FAM234B: variants seen among roughly 807,000 people sequenced by gnomAD.
FAM234B encodes protein FAM234B.
In FAM234B, 33 loss-of-function variants were observed where a neutral mutation model predicts 69.3. The observed-to-expected ratio is 0.48, with a 90% CI of 0.36 to 0.64. FAM234B has a LOEUF of 0.64. Ranked by LOEUF, FAM234B falls within the 30% of genes least tolerant of loss-of-function variation. The pLI is 0.00. For synonymous variants in FAM234B, 306 were observed against 306.9 expected, an observed-to-expected ratio of 1.00 and a Z score of 0.03; for missense variants, 697 against 769.7, an observed-to-expected ratio of 0.91 and a Z score of 1.12.
rs1283249455 is a variant in FAM234B at position 13,071,303 on chromosome 12, GA to G, written c.1434del (p.Glu479LysfsTer34). 6.2e-6 allele frequency: 10 copies of G among 1,614,166 alleles called. No homozygotes were observed. Among genetic ancestry groups the G allele is most frequent in the Admixed American group, 1.7e-5 (1 of 60,020 alleles). ...VWSYRAPCHM[K>X]ETPATSAVTS... is the part of the protein sequence containing the mutation. ...GGAGTTACCGTGCTCCGTGTCACAT[GA>G]AAGAAACGCCAGCCACCTCAGCAGT... On this transcript the variant is annotated frameshift_variant, in exon 10 of 13. Transcript: ENST00000197268. LOFTEE classifies it high-confidence loss of function.
At chr12:13,072,003 T>C (rs1334869467) in intron 10 of FAM234B, among the ~76,000 whole-genome samples, 2 of 151,572 alleles carry the variant, frequency 1.3e-5, no homozygotes, top group African/African-American at 4.9e-5. Context: ...TACTGGGGAG[T>C]TTTTAGTAAG....
chr12:13,074,315 C>A (rs1865139317), intron 10 of FAM234B, among the ~76,000 whole-genome samples: 1 of 152,108 alleles, frequency 6.6e-6, no homozygotes. Flanking sequence ...AAGAAAAGAG[C>A]CATGTTACAA....
At chr12:13,046,586 G>T (rs1343337433) in intron 1 of FAM234B, among the ~76,000 whole-genome samples, 5 of 152,048 alleles carry the variant, frequency 3.3e-5, no homozygotes, top group African/African-American at 1.2e-4. Context: ...TCAACCTCCC[G>T]AGTAGCTGGG....
Position 13,068,606 on chromosome 12 carries a change from T to G in FAM234B, c.1287-24T>G, listed in dbSNP as rs748421965. On this transcript the variant is annotated intron_variant, in intron 8 of 12. Transcript: ENST00000197268. The stretch of plus-strand genomic sequence containing the variant: ...CCTGTTTTTCTTGTTCACTATTGAT[T>G]GCTTACTTTGTCCTTATTTGCAGCC... 45 of 1,600,524 alleles carry G rather than the reference T, an allele frequency of 2.8e-5. No homozygotes were observed. In the East Asian group the frequency reaches 9.1e-4, roughly 33 times the overall value.
rs370381865 is a variant in FAM234B, at chr12:13,066,820, C to G, written c.1000+33C>G. The stretch of plus-strand genomic sequence containing the variant: ...GCAAGGCTAGTTTTTGCTCCTGTTC[C>G]CCACTGGCATTTGTGATGAGGCCTT... On this transcript the variant is annotated intron_variant, in intron 6 of 12. Transcript: ENST00000197268. The G allele has an allele frequency of 3.1e-6, 5 of 1,597,760 alleles. No individual in the cohort carries two copies. In the African/African-American group the frequency reaches 5.4e-5, roughly 17 times the overall value.
chr12:13,045,962 C>G (rs775110689), intron 1 of FAM234B, among the ~76,000 whole-genome samples: 5 of 151,922 alleles, frequency 3.3e-5, no homozygotes, highest in Non-Finnish European at 5.9e-5. Flanking sequence ...TGCCCCAAGG[C>G]TGTGGTGTTA....
chr12:13,059,477 G>GA (rs895155369), intron 3 of FAM234B, among the ~76,000 whole-genome samples: 1 of 152,168 alleles, frequency 6.6e-6, no homozygotes, highest in African/African-American at 2.4e-5. Flanking sequence ...TGTAGAAAAA[G>GA]AAAAAATGCG....
intron 1 of FAM234B, among the ~76,000 whole-genome samples, chr12:13,052,750 T>C (rs949347236): frequency 1.3e-5 from 2 of 152,242 alleles, no homozygotes; most frequent in African/African-American, 4.8e-5. Context: ...TTCATCCATT[T>C]TGTAGCAAGT....
intron 6 of FAM234B, 159 bp downstream of exon 6, chr12:13,066,946 T>C: frequency 2.1e-6 from 2 of 945,862 alleles, no homozygotes; most frequent in Non-Finnish European, 3.1e-6. Flanking sequence ...TCACAGGCTA[T>C]TAACTCTGCC....
chr12:13,061,276 A>G (rs190335099), intron 3 of FAM234B, among the ~76,000 whole-genome samples: 2 of 152,294 alleles, frequency 1.3e-5, no homozygotes, highest in African/African-American at 4.8e-5. Flanking sequence ...ATCACCATTT[A>G]GTTGGGGCCG....
At chr12:13,071,434 A>G (rs774274439) in intron 10 of FAM234B, 38 bp downstream of exon 10, 7 of 1,586,166 alleles carry the variant, frequency 4.4e-6, no homozygotes, top group South Asian at 3.3e-5. Context: ...TTACTTTGTC[A>G]GATGGCAGCT....
chr12:13,058,328 G>A, intron 2 of FAM234B, 123 bp from the exon 3 acceptor site: 2 of 752,626 alleles, frequency 2.7e-6, no homozygotes, highest in South Asian at 1.5e-5. Context: ...GTAGGGAGAG[G>A]TGTGTCTACT....
At chr12:13,051,238 T>C (rs1393885658) in intron 1 of FAM234B, among the ~76,000 whole-genome samples, 3 of 152,248 alleles carry the variant, frequency 2.0e-5, no homozygotes, top group African/African-American at 7.2e-5. Flanking sequence ...TCCTGTAGCA[T>C]ATGCTTCTCT....
chr12:13,044,530 T>C lies in FAM234B; in HGVS notation c.37+90T>C. On this transcript the variant is annotated intron_variant, in intron 1 of 12. Coordinates refer to ENST00000197268, the MANE Select transcript of FAM234B (RefSeq NM_020853.2). The surrounding 1 kb of genome is among the most constrained non-coding windows in gnomAD (Gnocchi z 5.6). ...TCTGGGGGCGAGGCCGGTCGGGCCC[T>C]GGCCTCAACCCAGACTCAGCTGCAG... 1 of 1,425,140 alleles carries C rather than the reference T, an allele frequency of 7.0e-7. No homozygotes were observed. The highest frequency in any genetic ancestry group is 9.6e-7 in the Non-Finnish European group (1 of 1,036,516). 88.3% of individuals were successfully genotyped at this position (1,425,140 alleles called of 1,614,324 possible).
intron 1 of FAM234B, among the ~76,000 whole-genome samples, chr12:13,052,704 G>T (rs183771216): frequency 6.7e-6 from 1 of 150,098 alleles, no homozygotes; most frequent in Non-Finnish European, 1.5e-5. Flanking sequence ...GCCTTTTTGT[G>T]TGTGGCTCAT....
intron 3 of FAM234B, among the ~76,000 whole-genome samples, chr12:13,061,175 G>C (rs1023872461): frequency 6.6e-6 from 1 of 152,010 alleles, no homozygotes; most frequent in African/African-American, 2.4e-5. Context: ...CTACTTTTTC[G>C]CATTCTTGAT....
chr12:13,048,227 C>G (rs1404210130), intron 1 of FAM234B, among the ~76,000 whole-genome samples: 1 of 152,282 alleles, frequency 6.6e-6, no homozygotes, highest in East Asian at 1.9e-4. Flanking sequence ...TTAGATATTG[C>G]TCCGCTATCT....
Position 13,076,041 on chromosome 12 carries a change from A to T in FAM234B, c.1540A>T (p.Thr514Ser). ...TTATTATCAGGATATCATCCTAGGA[A>T]CTGAGCCGCCCAGCCTTCACCACCT... ...ASPNSDIILG[T>S]EPPSLHHLYL... Residue 514 changes from threonine to serine, a missense_variant, in exon 11 of 13, where the codon ACT (threonine) becomes TCT (serine). Thr to Ser is a moderately conservative substitution (Grantham distance 58). Transcript: ENST00000197268. 1 of 1,613,898 alleles carries T rather than the reference A, an allele frequency of 6.2e-7. No individual in the cohort carries two copies. Among genetic ancestry groups the T allele is most frequent in the Non-Finnish European group, 8.5e-7 (1 of 1,179,826 alleles).
intron 9 of FAM234B, 69 bp from the exon 10 acceptor site, chr12:13,071,172 T>C (rs1225460188): frequency 6.6e-7 from 1 of 1,525,118 alleles, no homozygotes; most frequent in Non-Finnish European, 9.1e-7. Context: ...CATTTTTGTG[T>C]GTGCATTTTC....
Sources: allele counts gnomAD v4.1 joint callset (sites outside exome capture counted in the v4.1 genomes callset), GRCh38; gene constraint gnomAD v4.1.1; non-coding constraint Gnocchi (gnomAD v3.1); transcripts MANE v1.5; gene names NCBI Gene and HGNC (gene_info 2026-07-23, HGNC 2026-07-21).